The following ZNF516 variants were observed in gnomAD, a reference collection of about 807,000 sequenced individuals.
ZNF516 encodes zinc finger protein 516.
A neutral mutation model predicts 79.7 loss-of-function variants in ZNF516; 19 were observed. The ratio of observed to expected loss-of-function variants is 0.24; its 90% CI spans 0.17 to 0.35. ZNF516 has a LOEUF of 0.35. ZNF516 is among the 10% of genes least tolerant of loss of function. The probability of loss-of-function intolerance (pLI) is 1.00; values close to 1 mark genes in which losing one functional copy is unlikely to be tolerated. For synonymous variants in ZNF516, 877 were observed against 739.5 expected (o/e 1.19, Z -3.02); for missense variants, 1,678 against 1,679.5 (o/e 1.00, Z 0.02).
At chr18:76,476,769 C>G (rs921981476) in intron 1 of ZNF516, among the ~76,000 whole-genome samples, 1 of 152,214 alleles carries the variant, frequency 6.6e-6, no homozygotes, top group African/African-American at 2.4e-5. Context: ...TGAGGTCCCA[C>G]CTGACTAGGT....
At chr18:76,404,381 G>A (rs77878087) in intron 3 of ZNF516, among the ~76,000 whole-genome samples, 41,744 of 152,140 alleles carry the variant, frequency 0.27, 7,074 homozygotes, top group East Asian at 0.47. Context: ...GTGTGTGAAC[G>A]GCAGTTTTAG....
intron 3 of ZNF516, among the ~76,000 whole-genome samples, chr18:76,404,055 T>C (rs977800801): frequency 3.3e-5 from 5 of 152,198 alleles, no homozygotes; most frequent in Non-Finnish European, 7.3e-5. Context: ...TGGGCAGGGC[T>C]GGGGCAGAAC....
At chr18:76,374,376 T>C (rs117894686) in intron 4 of ZNF516, among the ~76,000 whole-genome samples, 4,378 of 152,342 alleles carry the variant, frequency 0.029, 83 homozygotes, top group Non-Finnish European at 0.044. Flanking sequence ...AGTCACACTG[T>C]ACAATGATTA....
intron 3 of ZNF516, among the ~76,000 whole-genome samples, chr18:76,418,228 C>T (rs2075458752): frequency 6.6e-6 from 1 of 152,122 alleles, no homozygotes. Context: ...CACTGTAACA[C>T]ACGCTATCAC....
At chr18:76,489,581 T>C (rs1176756706) in intron 1 of ZNF516, among the ~76,000 whole-genome samples, 2 of 96,902 alleles carry the variant, frequency 2.1e-5, no homozygotes, top group Non-Finnish European at 3.8e-5. Context: ...TGGGACAACA[T>C]CTTACAAAAA....
chr18:76,440,277 C>G (rs533748256), intron 3 of ZNF516, among the ~76,000 whole-genome samples: 50 of 152,324 alleles, frequency 3.3e-4, no homozygotes, highest in African/African-American at 1.2e-3. Flanking sequence ...ACACGGTCTT[C>G]TGTTTTGTTG....
intron 3 of ZNF516, among the ~76,000 whole-genome samples, chr18:76,438,494 T>C (rs2075774379): frequency 6.6e-6 from 1 of 152,182 alleles, no homozygotes; most frequent in Non-Finnish European, 1.5e-5. Context: ...TCTTTCTCAG[T>C]GGAGGATTTA....
intron 3 of ZNF516, among the ~76,000 whole-genome samples, chr18:76,408,978 T>C (rs1371132713): frequency 1.3e-5 from 2 of 152,246 alleles, no homozygotes; most frequent in East Asian, 3.9e-4. Flanking sequence ...AAAAGTTAAA[T>C]ATATTCTTAT....
chr18:76,469,074 G>A (rs1913670378), intron 1 of ZNF516, among the ~76,000 whole-genome samples: 1 of 152,146 alleles, frequency 6.6e-6, no homozygotes, highest in African/African-American at 2.4e-5. Context: ...AATAGTTTTG[G>A]ATTTTGTAAT....
chr18:76,423,434 G>T (rs1319118305), intron 3 of ZNF516, among the ~76,000 whole-genome samples: 1 of 152,196 alleles, frequency 6.6e-6, no homozygotes, highest in Non-Finnish European at 1.5e-5. Context: ...ACACGCAGGT[G>T]AAAAGGTTCC....
chr18:76,411,020 A>G (rs1289875222), intron 3 of ZNF516, among the ~76,000 whole-genome samples: 2 of 152,246 alleles, frequency 1.3e-5, no homozygotes. Flanking sequence ...ACCAGCTAGA[A>G]TTCTAACACA....
At chr18:76,430,576 T>A (rs2075649005) in intron 3 of ZNF516, among the ~76,000 whole-genome samples, 2 of 152,174 alleles carry the variant, frequency 1.3e-5, no homozygotes, top group Non-Finnish European at 2.9e-5. Context: ...CTCCATCAGG[T>A]TTCAGATATG....
chr18:76,480,383 T>G (rs1049053675), intron 1 of ZNF516, among the ~76,000 whole-genome samples: 1 of 152,070 alleles, frequency 6.6e-6, no homozygotes, highest in African/African-American at 2.4e-5. Flanking sequence ...CCTTGAATGC[T>G]GGGTTAGCGA....
chr18:76,474,789 G>A (rs918914033), intron 1 of ZNF516, among the ~76,000 whole-genome samples: 2 of 152,082 alleles, frequency 1.3e-5, no homozygotes, highest in African/African-American at 2.4e-5. Flanking sequence ...GAGGTTGGGA[G>A]GAATTAGGTC....
At chr18:76,443,350 A>G in intron 2 of ZNF516, 139 bp from the exon 3 acceptor site, 1 of 416,160 alleles carries the variant, frequency 2.4e-6, no homozygotes, top group Non-Finnish European at 4.3e-6. Flanking sequence ...CACTTCACAC[A>G]CAGGCGAGAG....
In ZNF516 at chr18:76,442,490, G is replaced by A. The variant is rs753580280; in HGVS notation, c.565C>T (p.Leu189=). The A allele has an allele frequency of 8.1e-6, 13 of 1,603,064 alleles. No individual in the cohort carries two copies. The African/African-American group carries it at 1.1e-4, about 13-fold the overall frequency. Reference sequence around the variant, plus strand: ...TGCGCCTGGTGCACGTGCAGCTCCAGGTCCTTCTTACGCTCGAACTGGCTC... The same window carrying A: ...TGCGCCTGGTGCACGTGCAGCTCCAAGTCCTTCTTACGCTCGAACTGGCTC... ...CKSQFERKKD[L]ELHVHQAHKP... The change falls in exon 3 of 7, where the codon CTG becomes TTG. Residue 189 remains leucine, a synonymous_variant. Transcript: ENST00000443185.
chr18:76,417,737 A>G (rs936377435), intron 3 of ZNF516, among the ~76,000 whole-genome samples: 4 of 152,226 alleles, frequency 2.6e-5, no homozygotes, highest in African/African-American at 9.7e-5. Context: ...CTACAAATAT[A>G]TGTATCATTT....
At chr18:76,465,118 T>G (rs1170705950) in intron 1 of ZNF516, among the ~76,000 whole-genome samples, 3 of 152,246 alleles carry the variant, frequency 2.0e-5, no homozygotes, top group Non-Finnish European at 2.9e-5. Flanking sequence ...AATGGCGTGG[T>G]CATCCACACT....
intron 1 of ZNF516, among the ~76,000 whole-genome samples, chr18:76,466,400 T>C (rs1219136038): frequency 6.6e-6 from 1 of 152,180 alleles, no homozygotes; most frequent in African/African-American, 2.4e-5. Context: ...ACTCCCATAA[T>C]GGTGCACCCA....
Sources: gnomAD v4.1 joint callset for allele counts (sites outside exome capture counted in the v4.1 genomes callset) on GRCh38, gnomAD v4.1.1 for gene constraint, MANE v1.5 for transcripts, NCBI Gene and HGNC (gene_info 2026-07-23, HGNC 2026-07-21) for gene names.